Variants in NPEPL1 observed in about 807,000 individuals in gnomAD.
NPEPL1 encodes the protein probable aminopeptidase NPEPL1.
A neutral mutation model predicts 52.4 loss-of-function variants in NPEPL1; 45 were observed. That is an observed-to-expected ratio of 0.86 (90% CI 0.68 to 1.10). The LOEUF (loss-of-function observed/expected upper bound fraction) is 1.10. Among genes scored for constraint, NPEPL1 ranks in the 50% least tolerant of loss-of-function variants. NPEPL1 has a pLI of 0.00. For missense variants in NPEPL1, 696 were observed against 710.9 expected (o/e 0.98, Z 0.24); for synonymous variants, 360 against 314.7 (o/e 1.14, Z -1.52).
At chr20:58,712,603 T>G in intron 8 of NPEPL1, 24 bp downstream of exon 8, 1 of 1,525,538 alleles carries the variant, frequency 6.6e-7, no homozygotes, top group Non-Finnish European at 9.1e-7. Flanking sequence ...TCCCACTCCT[T>G]CCTGCCCACT....
upstream of NPEPL1, chr20:58,691,680 CT>C (rs2084346894): frequency 1.3e-6 from 1 of 753,618 alleles, no homozygotes; most frequent in Non-Finnish European, 2.0e-6. Flanking sequence ...GCTTTTTTTT[CT>C]TTTTTTCTTT....
intron 6 of NPEPL1, 22 bp from the exon 7 acceptor site, chr20:58,707,101 G>A: frequency 1.3e-6 from 2 of 1,550,210 alleles, no homozygotes; most frequent in South Asian, 2.4e-5. Flanking sequence ...CCTTTGTCCT[G>A]GTCCCTTTGT....
Position 58,713,665 on chromosome 20 carries a change from C to T in NPEPL1, c.1125+122C>T, listed in dbSNP as rs376353685. The T allele has an allele frequency of 1.6e-5, 21 of 1,349,152 alleles. No individual in the cohort carries two copies. Among genetic ancestry groups the T allele is most frequent in the East Asian group, 1.5e-4 (6 of 39,144 alleles). The allele number at this position is 1,349,152 out of a possible 1,614,324, so 83.6% of individuals were successfully genotyped here. ...GTCAGGAAGTTTTCATAACTGGGCA[C>T]GAGGAGGCAGGAGGAGCTGCCCGTC... is the stretch of plus-strand genomic sequence containing the variant. On this transcript the variant is annotated intron_variant, in intron 9 of 11. Transcript: ENST00000356091. The surrounding 1 kb of genome is among the most constrained non-coding windows in gnomAD (Gnocchi z 4.6).
intron 1 of NPEPL1, chr20:58,693,455 CCG>C (rs1435863058): frequency 6.0e-6 from 2 of 331,702 alleles, no homozygotes; most frequent in East Asian, 4.3e-5. Flanking sequence ...CTGGTGGAAG[CCG>C]CCTAAGCCCT....
At chr20:58,712,654 A>C in intron 8 of NPEPL1, 75 bp downstream of exon 8, 4 of 1,053,898 alleles carry the variant, frequency 3.8e-6, no homozygotes, top group Non-Finnish European at 5.9e-6. Context: ...ATGCCAGCTC[A>C]CTCCAGGCAT....
At position 58,713,236 on chromosome 20, in the gene NPEPL1, G is replaced by A; in HGVS notation, c.1002-184G>A. The A allele has an allele frequency of 1.5e-6, 1 of 678,934 alleles. No homozygotes were observed. Among genetic ancestry groups the A allele is most frequent in the East Asian group, 2.8e-5 (1 of 35,598 alleles). 42.1% of individuals were successfully genotyped at this position (678,934 alleles called of 1,614,324 possible). The stretch of plus-strand genomic sequence containing the variant: ...CAGGGATGTCACCTGGAAGCCCTTT[G>A]CTCCAGGCACTGCATTGCTGTAGGG... On this transcript the variant is annotated intron_variant, in intron 8 of 11. Transcript: ENST00000356091. The surrounding 1 kb of genome is among the most constrained non-coding windows in gnomAD (Gnocchi z 4.6).
chr20:58,692,984 G>A lies in NPEPL1; in HGVS notation c.84G>A (p.Leu28=). ...QSRPLLLLGQ[L]HHLHRVPWSH... is the part of the protein sequence containing the mutation. ...GGCCCCTGCTGCTGCTCGGGCAGCTGCACCACCTGCACCGCGTGCCCTGGA... is the reference window on the plus strand; with the variant it reads ...GGCCCCTGCTGCTGCTCGGGCAGCTACACCACCTGCACCGCGTGCCCTGGA... The change falls in exon 1 of 12, where the codon CTG becomes CTA. Residue 28 remains leucine (L), a synonymous_variant. Coordinates refer to ENST00000356091, the MANE Select transcript of NPEPL1 (RefSeq NM_024663.4). This position sits in a 1 kb window ranked among gnomAD's most constrained non-coding sequence, Gnocchi z 5.7. The A allele has an allele frequency of 1.7e-6, 2 of 1,173,598 alleles. No individual in the cohort carries two copies. The highest frequency in any genetic ancestry group is 2.1e-6 in the Non-Finnish European group (2 of 932,136). 72.7% of individuals were successfully genotyped at this position (1,173,598 alleles called of 1,614,324 possible). A position where few individuals can be genotyped will look rare whatever the true frequency, so the allele number is the denominator to read the frequency against.
intron 3 of NPEPL1, among the ~76,000 whole-genome samples, chr20:58,697,711 G>T (rs2084521380): frequency 6.6e-6 from 1 of 152,248 alleles, no homozygotes; most frequent in Non-Finnish European, 1.5e-5. Context: ...TTCTGTGCCT[G>T]GGGATGCACA....
chr20:58,695,040 C>CTGTG (rs2084440781), intron 3 of NPEPL1, among the ~76,000 whole-genome samples: 1 of 5,384 alleles, frequency 1.9e-4, no homozygotes, highest in Non-Finnish European at 3.8e-4. Context: ...GTATGTGTTG[C>CTGTG]TGTGTATGTT....
rs565632114 is a variant in NPEPL1 at position 58,693,906 on chromosome 20, C to T, written c.320C>T (p.Ala107Val). ...RLVRTCLPPG[A>V]HRCIVMVCEQ... ...GTGCGGACCTGCCTGCCGCCCGGAG[C>T]GCATCGCTGCATTGTGGTGAGTGCT... The change falls in exon 2 of 12, where the codon GCG becomes GTG. Residue 107 changes from alanine (A) to valine (V), a missense_variant. Physicochemically the swap from Ala to Val is moderately conservative, Grantham distance 64. Transcript: ENST00000356091. 215 of 1,605,386 alleles carry T rather than the reference C, an allele frequency of 1.3e-4. 2 individuals carry two copies. In the South Asian group the frequency reaches 2.2e-3, roughly 17 times the overall value.
rs1433459737 is a variant in NPEPL1, at chr20:58,693,888, C to G, written c.302C>G (p.Thr101Ser). The change falls in exon 2 of 12, where the codon ACC (threonine) becomes AGC (serine). Residue 101 changes from threonine (T) to serine (S), a missense_variant. Coordinates refer to ENST00000356091, the MANE Select transcript of NPEPL1 (RefSeq NM_024663.4). ...AAHFITRLVR[T>S]CLPPGAHRCI... ...CACTTCATCACGCGGCTGGTGCGGA[C>G]CTGCCTGCCGCCCGGAGCGCATCGC... 2 of 1,611,986 alleles carry G rather than the reference C, an allele frequency of 1.2e-6. No individual in the cohort carries two copies. The highest frequency in any genetic ancestry group is 3.3e-5 in the Admixed American group (2 of 59,838).
At chr20:58,703,565 TG>T in intron 6 of NPEPL1, 1 of 985,354 alleles carries the variant, frequency 1.0e-6, no homozygotes, top group Non-Finnish European at 1.2e-6. Flanking sequence ...TGCTTGTTTT[TG>T]ATGTCGGCTT....
chr20:58,704,430 T>TA, intron 6 of NPEPL1: 3 of 932,256 alleles, frequency 3.2e-6, no homozygotes, highest in Non-Finnish European at 3.8e-6. Flanking sequence ...TGTATAACAA[T>TA]GTCTATTGAT....
At chr20:58,709,022 AT>A (rs1250760597) in intron 7 of NPEPL1, among the ~76,000 whole-genome samples, 2 of 152,078 alleles carry the variant, frequency 1.3e-5, no homozygotes, top group African/African-American at 2.4e-5. Flanking sequence ...CTGAGCTTGA[AT>A]TCCCTGTTCA....
intron 4 of NPEPL1, 127 bp downstream of exon 4, chr20:58,698,900 C>T (rs2296527): frequency 1.3e-5 from 10 of 775,306 alleles, no homozygotes; most frequent in South Asian, 8.7e-5. Flanking sequence ...GGGCTGCCCT[C>T]GGCGGAGCGC....
rs1297890344 is a variant in NPEPL1, at chr20:58,693,852, C to T, written c.266C>T (p.Pro89Leu). Residue 89 changes from proline to leucine, a missense_variant, in exon 2 of 12, where the codon CCC (proline) becomes CTC (leucine). Coordinates refer to ENST00000356091, the MANE Select transcript of NPEPL1 (RefSeq NM_024663.4). Reference protein sequence around the residue: ...LPCRVSRHNSPSAAHFITRLV... With the variant: ...LPCRVSRHNSLSAAHFITRLV... ...TGCAGGGTGAGCCGGCACAACAGCC[C>T]CTCGGCCGCCCACTTCATCACGCGG... 3.7e-6 allele frequency: 6 copies of T among 1,613,482 alleles called. No homozygotes were observed. The Admixed American group carries it at 1.0e-4, about 27-fold the overall frequency.
At chr20:58,707,247 T>C in intron 7 of NPEPL1, 47 bp downstream of exon 7, 4 of 1,478,004 alleles carry the variant, frequency 2.7e-6, no homozygotes, top group East Asian at 4.9e-5. Context: ...TGGGTGTGCC[T>C]CGTGGGTGCT....
Position 58,692,873 on chromosome 20 carries a change from CAGGGCCGGGGCGTGGGCCGGCAGGA to C in NPEPL1, c.-25_-1del. 1 of 1,015,502 alleles carries C rather than the reference CAGGGCCGGGGCGTGGGCCGGCAGGA, an allele frequency of 9.8e-7. No individual in the cohort carries two copies. The highest frequency in any genetic ancestry group is 1.2e-6 in the Non-Finnish European group (1 of 849,544). The allele number at this position is 1,015,502 out of a possible 1,614,324, so 62.9% of individuals were successfully genotyped here. On this transcript the variant is annotated 5_prime_UTR_variant, in exon 1 of 12. Transcript: ENST00000356091. The surrounding 1 kb of genome is among the most constrained non-coding windows in gnomAD (Gnocchi z 5.7). ...GAGCGGCGGGCCGGGCCGGGCCGGG[CAGGGCCGGGGCGTGGGCCGGCAGGA>C]AGATGGCGAACGTGGGGCTGCAGTT... is the stretch of plus-strand genomic sequence containing the variant.
At chr20:58,714,724 C>T (rs2084920661) in intron 11 of NPEPL1, 54 bp downstream of exon 11, 3 of 1,373,194 alleles carry the variant, frequency 2.2e-6, no homozygotes, top group South Asian at 1.3e-5. Flanking sequence ...CTTGTCCAAA[C>T]AGCGCCCCTC....
Sources: allele counts gnomAD v4.1 joint callset (sites outside exome capture counted in the v4.1 genomes callset), GRCh38; gene constraint gnomAD v4.1.1; non-coding constraint Gnocchi (gnomAD v3.1); transcripts MANE v1.5; gene names NCBI Gene and HGNC (gene_info 2026-07-23, HGNC 2026-07-21).